WWP2: variants seen among roughly 807,000 people sequenced by gnomAD.
WWP2 encodes the protein NEDD4-like E3 ubiquitin-protein ligase WWP2.
In WWP2, 57 loss-of-function variants were observed where a neutral mutation model predicts 121.0. The observed-to-expected ratio is 0.47, with a 90% CI of 0.38 to 0.59. The LOEUF (loss-of-function observed/expected upper bound fraction) is 0.59. WWP2 is among the 20% of genes least tolerant of loss of function. The probability of loss-of-function intolerance (pLI) is 0.00; values close to 1 mark genes in which losing one functional copy is unlikely to be tolerated. For synonymous variants in WWP2, 449 were observed against 441.3 expected, an observed-to-expected ratio of 1.02 and a Z score of -0.22; for missense variants, 962 against 1,158.9, an observed-to-expected ratio of 0.83 and a Z score of 2.47.
intron 9 of WWP2, among the ~76,000 whole-genome samples, chr16:69,913,393 T>G (rs982303416): frequency 5.3e-5 from 8 of 151,858 alleles, no homozygotes; most frequent in Non-Finnish European, 1.0e-4. Flanking sequence ...TCCCAGCTAC[T>G]TGGGAGGCTG....
chr16:69,851,233 G>T (rs2057206750), intron 6 of WWP2, among the ~76,000 whole-genome samples: 1 of 151,564 alleles, frequency 6.6e-6, no homozygotes. Flanking sequence ...GGCCAGGCTG[G>T]TCTTGAACTC....
intron 6 of WWP2, among the ~76,000 whole-genome samples, chr16:69,858,090 T>C (rs1426273533): frequency 1.3e-5 from 2 of 152,150 alleles, no homozygotes; most frequent in Non-Finnish European, 2.9e-5. Flanking sequence ...TTGTTCCTTT[T>C]CTTTGAAATT....
chr16:69,812,120 C>T (rs991258497), intron 4 of WWP2, among the ~76,000 whole-genome samples: 1 of 142,824 alleles, frequency 7.0e-6, no homozygotes, highest in Non-Finnish European at 1.5e-5. Context: ...GTATTTATGT[C>T]TTTCATGACA....
rs3192882 is a variant in WWP2, at chr16:69,941,728, A to T, written c.*1788A>T. On this transcript the variant is annotated 3_prime_UTR_variant, in exon 24 of 24. Transcript: ENST00000359154. ...ATTGCCAGTTTCTTGTGCAATAAAC[A>T]ATCAGCAGCTGTGGGTGGTGTTGTT... The T allele has an allele frequency of 0.28, 42,967 of 153,454 alleles. 7,682 individuals carry two copies. Among genetic ancestry groups the T allele is most frequent in the Non-Finnish European group, 0.38 (26,054 of 67,980 alleles). The allele number at this position is 153,454 out of a possible 1,614,324, so 9.5% of individuals were successfully genotyped here.
intron 4 of WWP2, among the ~76,000 whole-genome samples, chr16:69,828,974 C>G (rs765786871): frequency 1.3e-5 from 2 of 152,090 alleles, no homozygotes; most frequent in Non-Finnish European, 2.9e-5. Flanking sequence ...CTGTCAGAAG[C>G]ACCTCAACAT....
At position 69,799,250 on chromosome 16, in the gene WWP2, G is replaced by T; in HGVS notation, c.295G>T (p.Ala99Ser). Reference sequence around the variant, plus strand: ...CTTGAGAAATGAACTGCTAGGCACCGCATCTGTCAACCTCTCCAACGTCTT... The same window carrying T: ...CTTGAGAAATGAACTGCTAGGCACCTCATCTGTCAACCTCTCCAACGTCTT... ...HTLRNELLGT[A>S]SVNLSNVLKN... The change falls in exon 4 of 24, where the codon GCA (alanine) becomes TCA (serine). Residue 99 changes from alanine to serine, a missense_variant. This residue lies in a region of WWP2 where 145 missense variants were observed against 189.8 expected (regional missense o/e 0.76). Transcript: ENST00000359154. This position sits in a 1 kb window ranked among gnomAD's most constrained non-coding sequence, Gnocchi z 4.5. 6.2e-7 allele frequency: 1 copy of T among 1,614,088 alleles called. No individual in the cohort carries two copies. The highest frequency in any genetic ancestry group is 8.5e-7 in the Non-Finnish European group (1 of 1,180,006).
chr16:69,879,509 G>T (rs1210017742), intron 7 of WWP2, among the ~76,000 whole-genome samples: 1 of 151,976 alleles, frequency 6.6e-6, no homozygotes, highest in Non-Finnish European at 1.5e-5. Context: ...TTCACTTAAT[G>T]TGGCATTTTT....
At chr16:69,845,334 G>T (rs543100423) in intron 6 of WWP2, among the ~76,000 whole-genome samples, 1 of 152,188 alleles carries the variant, frequency 6.6e-6, no homozygotes, top group South Asian at 2.1e-4. Flanking sequence ...AGGCATTACC[G>T]GTGCGTTTAC....
intron 7 of WWP2, among the ~76,000 whole-genome samples, chr16:69,876,830 A>G (rs2057744122): frequency 6.6e-6 from 1 of 152,158 alleles, no homozygotes; most frequent in South Asian, 2.1e-4. Context: ...GAGCAGTAAT[A>G]TGTTGAAAGG....
intron 1 of WWP2, among the ~76,000 whole-genome samples, chr16:69,769,839 C>G (rs1204020352): frequency 1.3e-5 from 2 of 150,498 alleles, no homozygotes; most frequent in African/African-American, 4.9e-5. Context: ...GCCTATAACT[C>G]CTAAAATCAT....
chr16:69,801,797 CT>C (rs2056173132), intron 4 of WWP2, among the ~76,000 whole-genome samples: 1 of 151,980 alleles, frequency 6.6e-6, no homozygotes, highest in Non-Finnish European at 1.5e-5. Flanking sequence ...TTGTTCTGAT[CT>C]TTTTTTATAT....
intron 7 of WWP2, among the ~76,000 whole-genome samples, chr16:69,878,531 T>C (rs1597097812): frequency 6.6e-6 from 1 of 152,320 alleles, no homozygotes; most frequent in Middle Eastern, 3.4e-3. Flanking sequence ...TTTTCTTTTT[T>C]AAAATTTTCT....
rs2058619591 is a variant in WWP2 at position 69,925,056 on chromosome 16, T to C, written c.1180-374T>C. ...GTGATTTCAGTCGCCTTGGCCGCCT[T>C]GAGCCGGAGCTGAGCGGAGGCACTG... On this transcript the variant is annotated intron_variant, in intron 10 of 23. Coordinates refer to ENST00000359154, the MANE Select transcript of WWP2 (RefSeq NM_001270454.2). This position sits in a 1 kb window ranked among gnomAD's most constrained non-coding sequence, Gnocchi z 4.0. The C allele has an allele frequency of 4.9e-6, 5 of 1,014,446 alleles. No individual in the cohort carries two copies. Among genetic ancestry groups the C allele is most frequent in the Non-Finnish European group, 5.9e-6 (5 of 849,754 alleles). The allele number at this position is 1,014,446 out of a possible 1,614,324, so 62.8% of individuals were successfully genotyped here.
In WWP2 at chr16:69,940,819, C is replaced by T. The variant is rs1385714447; in HGVS notation, c.*879C>T. ...CTCAGGCAGGCCTGACCCGGCGGCACAGCCTGGCAGGGACCTCGTCCCCAA... is the reference window on the plus strand; with the variant it reads ...CTCAGGCAGGCCTGACCCGGCGGCATAGCCTGGCAGGGACCTCGTCCCCAA... On this transcript the variant is annotated 3_prime_UTR_variant, in exon 24 of 24. Coordinates refer to ENST00000359154, the MANE Select transcript of WWP2 (RefSeq NM_001270454.2). 1.3e-5 allele frequency: 2 copies of T among 153,356 alleles called. No individual in the cohort carries two copies. Among genetic ancestry groups the T allele is most frequent in the Admixed American group, 6.5e-5 (1 of 15,286 alleles). 9.5% of individuals were successfully genotyped at this position (153,356 alleles called of 1,614,324 possible). A position where few individuals can be genotyped will look rare whatever the true frequency, so the allele number is the denominator to read the frequency against.
At position 69,925,182 on chromosome 16, in the gene WWP2, T is replaced by C; in HGVS notation, c.1180-248T>C. On this transcript the variant is annotated intron_variant, in intron 10 of 23. Transcript: ENST00000359154. This position sits in a 1 kb window ranked among gnomAD's most constrained non-coding sequence, Gnocchi z 4.0. ...CCGCGTACCGCCTCCTCCCCGTCGC[T>C]CTGCCTTTTCCAAAACTCACTTGGG... 1 of 1,321,080 alleles carries C rather than the reference T, an allele frequency of 7.6e-7. No individual in the cohort carries two copies. Among genetic ancestry groups the C allele is most frequent in the Non-Finnish European group, 9.7e-7 (1 of 1,033,722 alleles). 81.8% of individuals were successfully genotyped at this position (1,321,080 alleles called of 1,614,324 possible). A position where few individuals can be genotyped will look rare whatever the true frequency, so the allele number is the denominator to read the frequency against.
chr16:69,800,292 C>T (rs1414069412), intron 4 of WWP2, among the ~76,000 whole-genome samples: 1 of 152,108 alleles, frequency 6.6e-6, no homozygotes, highest in East Asian at 1.9e-4. Context: ...ATTGCTTTGT[C>T]TTCTGAATTG....
intron 8 of WWP2, among the ~76,000 whole-genome samples, chr16:69,894,422 A>G (rs565187617): frequency 6.6e-6 from 1 of 152,264 alleles, no homozygotes; most frequent in African/African-American, 2.4e-5. Context: ...GACTTTGGCC[A>G]TATGTGGTTA....
chr16:69,844,739 C>T (rs1405212610), intron 6 of WWP2, among the ~76,000 whole-genome samples: 2 of 152,192 alleles, frequency 1.3e-5, no homozygotes, highest in Non-Finnish European at 1.5e-5. Context: ...GAGCAAGGTA[C>T]CTTCCGATAG....
intron 7 of WWP2, among the ~76,000 whole-genome samples, chr16:69,885,997 C>T (rs755842273): frequency 3.9e-5 from 6 of 152,090 alleles, no homozygotes; most frequent in Non-Finnish European, 5.9e-5. Context: ...GCCAGATGAT[C>T]GGGAAAGGGG....
Sources: allele counts gnomAD v4.1 joint callset (sites outside exome capture counted in the v4.1 genomes callset), GRCh38; gene constraint gnomAD v4.1.1; regional missense constraint gnomAD v4.1.1; non-coding constraint Gnocchi (gnomAD v3.1); transcripts MANE v1.5; gene names NCBI Gene and HGNC (gene_info 2026-07-23, HGNC 2026-07-21).